Variants in NHSL3 observed in about 807,000 individuals in gnomAD.
NHSL3 encodes the protein NHS like 3.
the NHSL3 span, chr1:32,742,099 A>G: frequency 5.6e-6 from 7 of 1,251,348 alleles, no homozygotes; most frequent in Non-Finnish European, 7.0e-6. Flanking sequence ...GCGCAAGAAG[A>G]AGGCGGCGGG....
the NHSL3 span, among the ~76,000 whole-genome samples, chr1:32,755,577 G>C: frequency 6.6e-6 from 1 of 152,082 alleles, no homozygotes; most frequent in Non-Finnish European, 1.5e-5. Context: ...GTGAAATCAG[G>C]GGCCCTAGGT....
the NHSL3 span, chr1:32,772,279 C>G: frequency 3.1e-6 from 5 of 1,598,704 alleles, no homozygotes; most frequent in African/African-American, 1.3e-5. Flanking sequence ...TGTGGGAGTC[C>G]CCCCACCCGC....
the NHSL3 span, among the ~76,000 whole-genome samples, chr1:32,758,538 A>G: frequency 1.3e-5 from 2 of 151,916 alleles, no homozygotes; most frequent in East Asian, 1.9e-4. Context: ...CTTGTGATCA[A>G]CTGCTTGGGT....
chr1:32,745,741 C>T, the NHSL3 span, among the ~76,000 whole-genome samples: 3 of 152,102 alleles, frequency 2.0e-5, no homozygotes, highest in Admixed American at 6.5e-5. Context: ...CATGCAAGTG[C>T]GTTGTGAACT....
the NHSL3 span, chr1:32,773,190 C>T: frequency 9.9e-6 from 5 of 503,430 alleles, no homozygotes; most frequent in Non-Finnish European, 1.8e-5. Context: ...CCTGCTGGCC[C>T]TGAGGCTGCA....
At chr1:32,758,977 C>G in the NHSL3 span, among the ~76,000 whole-genome samples, 1 of 152,152 alleles carries the variant, frequency 6.6e-6, no homozygotes, top group South Asian at 2.1e-4. Flanking sequence ...CCTTATCAGA[C>G]CTTATCTTAA....
At chr1:32,769,845 C>A in the NHSL3 span, 1 of 1,611,458 alleles carries the variant, frequency 6.2e-7, no homozygotes, top group South Asian at 1.1e-5. Context: ...GTCATCCCCT[C>A]TCTGCTGACC....
the NHSL3 span, among the ~76,000 whole-genome samples, chr1:32,762,913 G>T: frequency 1.2e-4 from 18 of 151,702 alleles, no homozygotes; most frequent in East Asian, 3.3e-3. Flanking sequence ...GACCTCAGGT[G>T]ATCTGCCCAC....
chr1:32,772,292 C>T, the NHSL3 span: 1 of 1,598,988 alleles, frequency 6.3e-7, no homozygotes. Context: ...CCACCCGCCT[C>T]CCCCAGTTAC....
the NHSL3 span, chr1:32,771,147 C>T: frequency 6.2e-7 from 1 of 1,612,306 alleles, no homozygotes; most frequent in South Asian, 1.1e-5. Flanking sequence ...CCCTGGGTGA[C>T]AGGTTTGTCA....
At chr1:32,766,810 C>T in the NHSL3 span, among the ~76,000 whole-genome samples, 1 of 152,146 alleles carries the variant, frequency 6.6e-6, no homozygotes, top group Non-Finnish European at 1.5e-5. Flanking sequence ...CACAGCCCCC[C>T]ATCCCCAGGA....
chr1:32,745,362 A>G, the NHSL3 span, among the ~76,000 whole-genome samples: 2 of 151,878 alleles, frequency 1.3e-5, no homozygotes, highest in Non-Finnish European at 2.9e-5. Context: ...GTTTAAGACC[A>G]GCCTGACCAA....
chr1:32,758,518 T>C, the NHSL3 span, among the ~76,000 whole-genome samples: 6 of 152,032 alleles, frequency 3.9e-5, no homozygotes, highest in African/African-American at 1.4e-4. Flanking sequence ...TCCCCTTTCT[T>C]GTGGGGAGAC....
At chr1:32,746,230 CAAAA>C in the NHSL3 span, among the ~76,000 whole-genome samples, 1 of 8,308 alleles carries the variant, frequency 1.2e-4, no homozygotes, top group South Asian at 2.7e-3. Context: ...GACTCCAGCT[CAAAA>C]AAAAAAAAAA....
chr1:32,765,194 C>G, the NHSL3 span, among the ~76,000 whole-genome samples: 1 of 152,346 alleles, frequency 6.6e-6, no homozygotes, highest in Non-Finnish European at 1.5e-5. Context: ...TCCCTGGCTT[C>G]CCAGGACTGT....
chr1:32,745,878 G>A, the NHSL3 span, among the ~76,000 whole-genome samples: 3 of 152,038 alleles, frequency 2.0e-5, no homozygotes, highest in African/African-American at 7.3e-5. Context: ...TATTGAGGGG[G>A]ATTCACAGAG....
At chr1:32,772,529 A>G in the NHSL3 span, 1 of 1,475,414 alleles carries the variant, frequency 6.8e-7, no homozygotes, top group Non-Finnish European at 9.0e-7. Context: ...TTGTTCTTGG[A>G]TCTTTAACTT....
At chr1:32,764,718 C>G in the NHSL3 span, among the ~76,000 whole-genome samples, 1 of 152,150 alleles carries the variant, frequency 6.6e-6, no homozygotes, top group African/African-American at 2.4e-5. Context: ...AGTGATCTGC[C>G]CACCTTGGCC....
At chr1:32,754,286 G>C in the NHSL3 span, 1 of 587,716 alleles carries the variant, frequency 1.7e-6, no homozygotes, top group Non-Finnish European at 3.2e-6. Context: ...GAGTGTGGGG[G>C]GGTCGGGAAT....
Sources: gnomAD v4.1 joint callset for allele counts (sites outside exome capture counted in the v4.1 genomes callset) on GRCh38, gnomAD v4.1.1 for gene constraint, MANE v1.5 for transcripts, NCBI Gene and HGNC (gene_info 2026-07-23, HGNC 2026-07-21) for gene names.